TET2: variants seen among roughly 807,000 people sequenced by gnomAD.
TET2 encodes tet methylcytosine dioxygenase 2.
Under a neutral mutation model 142.9 loss-of-function variants are expected in TET2, and 299 were observed. The observed-to-expected ratio is 2.09, with a 90% CI of 1.90 to 2.30. The LOEUF (loss-of-function observed/expected upper bound fraction) is 2.30, where lower values mean the gene tolerates loss of function less well. TET2 is among the 30% of genes most tolerant of loss of function. The pLI, the probability that TET2 is intolerant of heterozygous loss-of-function variation, is 0.00. For missense variants in TET2, 2,418 were observed against 2,378.0 expected (o/e 1.02, Z -0.35); for synonymous variants, 819 against 849.0 (o/e 0.96, Z 0.61).
rs143949836 is a variant in TET2 at position 105,151,959 on chromosome 4, C to A, written c.-193+4980C>A. Among the ~76,000 whole-genome samples the A allele has an allele frequency of 2.4e-4, 37 of 152,044 alleles. No homozygotes were observed. In the South Asian group the frequency reaches 5.2e-3, roughly 21 times the overall value. ...GCATGGTGGCACACACCAGTAATCC[C>A]AGCTACTCAGGAGGCTGAGGCCCGA... On this transcript the variant is annotated intron_variant, in intron 1 of 10. Coordinates refer to ENST00000380013, the MANE Select transcript of TET2 (RefSeq NM_001127208.3).
At chr4:105,233,818 A>C in intron 2 of TET2, 79 bp from the exon 3 acceptor site, 1 of 708,290 alleles carries the variant, frequency 1.4e-6, no homozygotes, top group Non-Finnish European at 2.2e-6. Flanking sequence ...ATTCCTTAAG[A>C]TATATTAGTA....
Position 105,235,310 on chromosome 4 carries a change from G to A in TET2, c.1368G>A (p.Glu456=). The A allele has an allele frequency of 6.2e-7, 1 of 1,613,920 alleles. No homozygotes were observed. Among genetic ancestry groups the A allele is most frequent in the Non-Finnish European group, 8.5e-7 (1 of 1,179,970 alleles). The change falls in exon 3 of 11, where the codon GAG becomes GAA. Residue 456 remains glutamate, a synonymous_variant. Transcript: ENST00000380013. ...LREVKIEGKP[E]APPSQSPNPS... The stretch of plus-strand genomic sequence containing the variant: ...AAGTGAAAATAGAGGGTAAACCTGA[G>A]GCACCACCTTCCCAGAGTCCTAATC...
Position 105,234,456 on chromosome 4 carries a change from A to T in TET2, c.514A>T (p.Ser172Cys). 3 of 1,614,032 alleles carry T rather than the reference A, an allele frequency of 1.9e-6. No homozygotes were observed. Among genetic ancestry groups the T allele is most frequent in the Non-Finnish European group, 2.5e-6 (3 of 1,180,008 alleles). ...DFTSFSTHNC[S>C]GPENPELQIL... is the part of the protein sequence containing the mutation. The stretch of plus-strand genomic sequence containing the variant: ...CACCAGTTTTTCAACACATAACTGC[A>T]GTGGGCCTGAAAATCCAGAGCTTCA... The change falls in exon 3 of 11, where the codon AGT becomes TGT. Residue 172 changes from serine (S) to cysteine (C), a missense_variant. Coordinates refer to ENST00000380013, the MANE Select transcript of TET2 (RefSeq NM_001127208.3).
rs2110228958 is a variant in TET2 at position 105,235,613 on chromosome 4, G to A, written c.1671G>A (p.Gln557=). The A allele has an allele frequency of 6.2e-7, 1 of 1,614,160 alleles. No homozygotes were observed. The highest frequency in any genetic ancestry group is 1.1e-5 in the South Asian group (1 of 91,082). ...CACGAGATCTTGTGCCCCCAACACA[G>A]CACTATCTGAAACCAGGATGGATTG... The part of the protein sequence containing the change: ...EQTRDLVPPT[Q]HYLKPGWIEL... Residue 557 remains glutamine, a synonymous_variant, in exon 3 of 11, where the codon CAG becomes CAA. Coordinates refer to ENST00000380013, the MANE Select transcript of TET2 (RefSeq NM_001127208.3).
rs201520680 is a variant in TET2 at position 105,234,863 on chromosome 4, A to G, written c.921A>G (p.Leu307=). The G allele has an allele frequency of 3.0e-5, 49 of 1,614,070 alleles. No homozygotes were observed. Among genetic ancestry groups the G allele is most frequent in the Non-Finnish European group, 4.2e-5 (49 of 1,180,018 alleles). The change falls in exon 3 of 11, where the codon CTA becomes CTG. Residue 307 remains leucine, a synonymous_variant. Coordinates refer to ENST00000380013, the MANE Select transcript of TET2 (RefSeq NM_001127208.3). ...ATGATGCTGATAATGCCAGTAAACT[A>G]GCTGCAATGCTAAATACCTGTTCCT... ...DADDADNASK[L]AAMLNTCSFQ... is the part of the protein sequence containing the mutation.
intron 1 of TET2, among the ~76,000 whole-genome samples, chr4:105,168,819 T>C (rs1013684075): frequency 1.3e-5 from 2 of 152,214 alleles, no homozygotes; most frequent in South Asian, 2.1e-4. Flanking sequence ...CTCCCACTTA[T>C]GAGTGAGAAC....
At position 105,275,991 on chromosome 4, in the gene TET2, GCAGC is replaced by G; in HGVS notation, c.5484_5487del (p.Gln1828HisfsTer4). The G allele has an allele frequency of 6.4e-7, 1 of 1,551,730 alleles. No homozygotes were observed. Among genetic ancestry groups the G allele is most frequent in the South Asian group, 1.2e-5 (1 of 84,066 alleles). ...TAAGTGATGCTAATGGTCAGGAAAA[GCAGC>G]CATTGGCACTAGTCCAGGGTGTGGC... On this transcript the variant is annotated frameshift_variant, in exon 11 of 11. Coordinates refer to ENST00000380013, the MANE Select transcript of TET2 (RefSeq NM_001127208.3). LOFTEE classifies it low-confidence loss of function (END_TRUNC).
chr4:105,231,310 A>G (rs983067127), intron 2 of TET2, among the ~76,000 whole-genome samples: 1 of 152,164 alleles, frequency 6.6e-6, no homozygotes, highest in African/African-American at 2.4e-5. Flanking sequence ...TAATTTGACA[A>G]CTATCTAAGA....
chr4:105,174,413 A>G (rs560851519), intron 1 of TET2, among the ~76,000 whole-genome samples: 1 of 152,348 alleles, frequency 6.6e-6, no homozygotes, highest in African/African-American at 2.4e-5. Flanking sequence ...ACTCTTTAAA[A>G]ACACAACAAG....
In TET2 at chr4:105,235,143, C is replaced by T. The variant is rs1363167740; in HGVS notation, c.1201C>T (p.Pro401Ser). 2.5e-6 allele frequency: 4 copies of T among 1,613,794 alleles called. No homozygotes were observed. The highest frequency in any genetic ancestry group is 3.4e-6 in the Non-Finnish European group (4 of 1,179,880). ...SFSATTTPPP[P>S]SQLLLSPPPP... ...TTCTGCCACTACCACACCACCACCA[C>T]CATCACAATTGCTTCTTTCTCCCCC... Residue 401 changes from proline (P) to serine (S), a missense_variant, in exon 3 of 11, where the codon CCA becomes TCA. Physicochemically the swap from Pro to Ser is moderately conservative, Grantham distance 74. Coordinates refer to ENST00000380013, the MANE Select transcript of TET2 (RefSeq NM_001127208.3).
chr4:105,270,633 CT>C (rs1268966964), intron 9 of TET2, among the ~76,000 whole-genome samples: 1 of 151,150 alleles, frequency 6.6e-6, no homozygotes, highest in Non-Finnish European at 1.5e-5. Flanking sequence ...ATGGATCGGT[CT>C]TGTAATTGGA....
chr4:105,276,528 C>T lies in TET2; in HGVS notation c.*9C>T, dbSNP rs2110317223. 1.3e-6 allele frequency: 2 copies of T among 1,543,468 alleles called. No individual in the cohort carries two copies. The highest frequency in any genetic ancestry group is 1.4e-5 in the African/African-American group (1 of 72,806). On this transcript the variant is annotated 3_prime_UTR_variant, in exon 11 of 11. Coordinates refer to ENST00000380013, the MANE Select transcript of TET2 (RefSeq NM_001127208.3). ...ACAACAGATATATATGATATCACCC[C>T]CTTTTGTTGGTTACCTCACTTGAAA...
chr4:105,261,396 T>C (rs1730419132), intron 7 of TET2, among the ~76,000 whole-genome samples: 1 of 152,094 alleles, frequency 6.6e-6, no homozygotes, highest in Non-Finnish European at 1.5e-5. Context: ...AATAGACAAA[T>C]TAAGCTAAAG....
In TET2 at chr4:105,236,542, A is replaced by G. The variant is rs765107506; in HGVS notation, c.2600A>G (p.Tyr867Cys). The change falls in exon 3 of 11, where the codon TAT (tyrosine) becomes TGT (cysteine). Residue 867 changes from tyrosine to cysteine, a missense_variant. Tyr to Cys is a radical substitution (Grantham distance 194). Transcript: ENST00000380013. The part of the protein sequence containing the change: ...NKTQNLHHMQ[Y>C]FPNNVIPKQD... Reference sequence around the variant, plus strand: ...ACCCAAAACTTGCATCACATGCAATATTTTCCAAATAATGTGATCCCAAAG... The same window carrying G: ...ACCCAAAACTTGCATCACATGCAATGTTTTCCAAATAATGTGATCCCAAAG... 3 of 1,614,074 alleles carry G rather than the reference A, an allele frequency of 1.9e-6. No homozygotes were observed. The South Asian group carries it at 3.3e-5, about 18-fold the overall frequency.
At position 105,234,001 on chromosome 4, in the gene TET2, C is replaced by T; in HGVS notation, c.59C>T (p.Pro20Leu). 1.2e-6 allele frequency: 2 copies of T among 1,614,050 alleles called. No homozygotes were observed. Among genetic ancestry groups the T allele is most frequent in the South Asian group, 1.1e-5 (1 of 91,086 alleles). ...AACAGACTAAGTCCATTCCTGATAC[C>T]ATCACCTCCCATTTGCCAGACAGAA... ...EGNRLSPFLI[P>L]SPPICQTEPL... Residue 20 changes from proline (P) to leucine (L), a missense_variant, in exon 3 of 11, where the codon CCA becomes CTA. Coordinates refer to ENST00000380013, the MANE Select transcript of TET2 (RefSeq NM_001127208.3).
In TET2 at chr4:105,237,291, A is replaced by G; in HGVS notation, c.3349A>G (p.Lys1117Glu). The G allele has an allele frequency of 6.2e-7, 1 of 1,614,144 alleles. No homozygotes were observed. Among genetic ancestry groups the G allele is most frequent in the Non-Finnish European group, 8.5e-7 (1 of 1,179,982 alleles). ...SPSKLLDTPI[K>E]NLLDTPVKTQ... ...TTCCAAATTACTAGATACTCCTATA[A>G]AAAATTTATTGGATACACCTGTCAA... The change falls in exon 3 of 11, where the codon AAA (lysine) becomes GAA (glutamate). Residue 1117 changes from lysine (K) to glutamate (E), a missense_variant. By Grantham distance (56) the Lys-to-Glu change is moderately conservative. Transcript: ENST00000380013.
chr4:105,198,537 C>A (rs1726236420), intron 2 of TET2, among the ~76,000 whole-genome samples: 1 of 151,726 alleles, frequency 6.6e-6, no homozygotes, highest in African/African-American at 2.4e-5. Context: ...ATATTTGAGA[C>A]CAGTTAAAGG....
At chr4:105,195,759 T>C (rs532893067) in intron 2 of TET2, among the ~76,000 whole-genome samples, 1 of 152,318 alleles carries the variant, frequency 6.6e-6, no homozygotes, top group East Asian at 1.9e-4. Context: ...AATCCACAGA[T>C]GCTGGAATCC....
chr4:105,168,335 T>C (rs533741516), intron 1 of TET2, among the ~76,000 whole-genome samples: 1 of 152,222 alleles, frequency 6.6e-6, no homozygotes, highest in East Asian at 1.9e-4. Context: ...TCTCCCTCAT[T>C]CTATTCTAAT....
Sources: allele counts gnomAD v4.1 joint callset (sites outside exome capture counted in the v4.1 genomes callset), GRCh38; gene constraint gnomAD v4.1.1; transcripts MANE v1.5; gene names NCBI Gene and HGNC (gene_info 2026-07-23, HGNC 2026-07-21).